Variants in TMEFF2 observed in about 807,000 individuals in gnomAD.
TMEFF2 encodes tomoregulin-2.
In TMEFF2, 28 loss-of-function variants were observed where a neutral mutation model predicts 53.8. The observed-to-expected ratio is 0.52, with a 90% confidence interval of 0.39 to 0.71. TMEFF2 has a LOEUF of 0.71. Ranked by LOEUF, TMEFF2 falls within the 30% of genes least tolerant of loss-of-function variation. The pLI is 0.00. For synonymous variants in TMEFF2, 162 were observed against 166.3 expected (o/e 0.97, Z 0.20); for missense variants, 353 against 455.2 (o/e 0.78, Z 2.04).
chr2:192,111,651 G>A (rs550022658), intron 4 of TMEFF2, among the ~76,000 whole-genome samples: 10 of 152,316 alleles, frequency 6.6e-5, no homozygotes, highest in African/African-American at 2.4e-4. Context: ...TAAGTAAAGA[G>A]GAGCCAAATG....
At chr2:192,101,622 A>G (rs1272900865) in intron 4 of TMEFF2, among the ~76,000 whole-genome samples, 1 of 152,190 alleles carries the variant, frequency 6.6e-6, no homozygotes, top group Non-Finnish European at 1.5e-5. Flanking sequence ...AGTGAGAAAC[A>G]CAGCTGGCAA....
intron 4 of TMEFF2, among the ~76,000 whole-genome samples, chr2:192,170,103 T>C (rs975788667): frequency 2.0e-5 from 3 of 152,122 alleles, no homozygotes; most frequent in Non-Finnish European, 2.9e-5. Flanking sequence ...AGTTGTCTTT[T>C]GAGTAACTGA....
chr2:191,966,402 A>G (rs887397420), intron 7 of TMEFF2, among the ~76,000 whole-genome samples: 1 of 152,196 alleles, frequency 6.6e-6, no homozygotes, highest in Non-Finnish European at 1.5e-5. Context: ...GTGATCCTGA[A>G]AGGAAGAATT....
chr2:192,101,334 TGAA>T (rs1689026900), intron 4 of TMEFF2, among the ~76,000 whole-genome samples: 2 of 152,264 alleles, frequency 1.3e-5, no homozygotes, highest in East Asian at 1.9e-4. Context: ...CAGAGGCAAT[TGAA>T]GAATATATAG....
chr2:192,065,918 C>T (rs1387676356), intron 4 of TMEFF2, among the ~76,000 whole-genome samples: 1 of 151,612 alleles, frequency 6.6e-6, no homozygotes, highest in African/African-American at 2.4e-5. Flanking sequence ...TGTGAGTTTT[C>T]CCTCCATATG....
rs75815050 is a variant in TMEFF2, at chr2:192,185,542, A to G, written c.283-1059T>C. Among the ~76,000 whole-genome samples the G allele has an allele frequency of 1.3e-4, 20 of 152,206 alleles. No homozygotes were observed. The East Asian group carries it at 3.7e-3, about 28-fold the overall frequency. ...ATCTTTGATGTGCTGTGAGTTCAGA[A>G]TACATACAAAATAAACCAATAATAC... On this transcript the variant is annotated intron_variant, in intron 2 of 9. Coordinates refer to ENST00000272771, the MANE Select transcript of TMEFF2 (RefSeq NM_016192.4).
rs575987924 is a variant in TMEFF2 at position 192,099,980 on chromosome 2, C to T, written c.440-42205G>A. On this transcript the variant is annotated intron_variant, in intron 4 of 9. Coordinates refer to ENST00000272771, the MANE Select transcript of TMEFF2 (RefSeq NM_016192.4). The stretch of plus-strand genomic sequence containing the variant: ...CAGAAAAGTTATTGACAAATGCCCA[C>T]AGTAAGAAGTGCCAGCCTAATAATG... Among the ~76,000 whole-genome samples, 643 of 152,216 alleles carry T rather than the reference C, an allele frequency of 4.2e-3. 5 individuals carry two copies. Among genetic ancestry groups the T allele is most frequent in the Middle Eastern group, 6.8e-3 (2 of 294 alleles).
chr2:192,141,604 T>G (rs1690141797), intron 4 of TMEFF2, among the ~76,000 whole-genome samples: 1 of 152,070 alleles, frequency 6.6e-6, no homozygotes, highest in South Asian at 2.1e-4. Context: ...AGAGAAACCC[T>G]GAACAGAAAG....
intron 5 of TMEFF2, among the ~76,000 whole-genome samples, chr2:192,003,752 C>T (rs1686424416): frequency 1.3e-5 from 2 of 152,168 alleles, no homozygotes; most frequent in Admixed American, 1.3e-4. Flanking sequence ...CACACAAACA[C>T]ACAAATGTAT....
chr2:192,035,251 A>G (rs1053160314), intron 5 of TMEFF2: 3 of 152,208 alleles, frequency 2.0e-5, no homozygotes, highest in Non-Finnish European at 4.4e-5. Flanking sequence ...ACTGCTAATT[A>G]TGAAGTCAGA....
intron 7 of TMEFF2, among the ~76,000 whole-genome samples, chr2:191,993,024 T>C (rs1686144010): frequency 2.0e-5 from 3 of 152,030 alleles, no homozygotes; most frequent in African/African-American, 7.2e-5. Flanking sequence ...TCTATCACAT[T>C]CTCTTTTTAT....
intron 4 of TMEFF2, among the ~76,000 whole-genome samples, chr2:192,081,894 G>A (rs958749998): frequency 1.0e-4 from 15 of 147,130 alleles, no homozygotes; most frequent in East Asian, 2.1e-4. Flanking sequence ...GCCACCTCCC[G>A]GGTTCATGCC....
intron 5 of TMEFF2, 72 bp from the exon 6 acceptor site, chr2:191,999,280 GA>G (rs982546208): frequency 2.3e-6 from 3 of 1,316,758 alleles, no homozygotes; most frequent in Non-Finnish European, 3.0e-6. Context: ...AAACACAAAT[GA>G]AAGAATTGCT....
At chr2:192,018,447 T>A in intron 5 of TMEFF2, among the ~76,000 whole-genome samples, 1 of 152,196 alleles carries the variant, frequency 6.6e-6, no homozygotes, top group Non-Finnish European at 1.5e-5. Flanking sequence ...TTTGCAAACA[T>A]TTTTCACTTA....
At chr2:192,116,154 A>C (rs10469743) in intron 4 of TMEFF2, among the ~76,000 whole-genome samples, 150,336 of 152,046 alleles carry the variant, frequency 0.99, 74,348 homozygotes, top group Middle Eastern at 1. Flanking sequence ...TTTTTTTCAG[A>C]CTTAAAAAGA....
At chr2:192,059,861 T>C (rs1473376830) in intron 4 of TMEFF2, among the ~76,000 whole-genome samples, 1 of 152,168 alleles carries the variant, frequency 6.6e-6, no homozygotes, top group Non-Finnish European at 1.5e-5. Flanking sequence ...ATAAAGTGCC[T>C]TTCTATGAAG....
intron 2 of TMEFF2, among the ~76,000 whole-genome samples, chr2:192,188,610 T>C (rs902093273): frequency 2.0e-5 from 3 of 152,194 alleles, no homozygotes; most frequent in Non-Finnish European, 2.9e-5. Context: ...GCTTTACTAA[T>C]AAGAACATTT....
intron 4 of TMEFF2, among the ~76,000 whole-genome samples, chr2:192,131,405 T>A (rs1041202117): frequency 2.6e-5 from 4 of 151,556 alleles, no homozygotes; most frequent in African/African-American, 4.9e-5. Flanking sequence ...TAGCGGCAAG[T>A]CCCGCTTTTC....
chr2:192,150,078 A>C (rs1261181815), intron 4 of TMEFF2, among the ~76,000 whole-genome samples: 1 of 152,006 alleles, frequency 6.6e-6, no homozygotes, highest in Non-Finnish European at 1.5e-5. Context: ...TTTTTGAGAC[A>C]TATCTTGTTC....
Sources: allele counts gnomAD v4.1 joint callset (sites outside exome capture counted in the v4.1 genomes callset), GRCh38; gene constraint gnomAD v4.1.1; transcripts MANE v1.5; gene names NCBI Gene and HGNC (gene_info 2026-07-23, HGNC 2026-07-21).